Variants in AASDH observed in about 807,000 individuals in gnomAD.
AASDH encodes the protein beta-alanine-activating enzyme.
A neutral mutation model predicts 102.3 loss-of-function variants in AASDH; 81 were observed. The observed-to-expected ratio is 0.79, with a 90% CI of 0.66 to 0.95. AASDH has a LOEUF of 0.95. Ranked by LOEUF, AASDH falls within the 40% of genes least tolerant of loss-of-function variation. The pLI, the probability that AASDH is intolerant of heterozygous loss-of-function variation, is 0.00. For synonymous variants in AASDH, 398 were observed against 454.0 expected (o/e 0.88, Z 1.57); for missense variants, 1,203 against 1,266.2 (o/e 0.95, Z 0.76).
intron 9 of AASDH, 45 bp from the exon 10 acceptor site, chr4:56,351,502 A>C: frequency 8.9e-7 from 1 of 1,120,770 alleles, no homozygotes; most frequent in Non-Finnish European, 1.3e-6. Flanking sequence ...ACATTTTAAA[A>C]TTTCACTCAA....
chr4:56,385,931 T>TTC (rs201759161), intron 1 of AASDH, among the ~76,000 whole-genome samples: 8 of 114,192 alleles, frequency 7.0e-5, no homozygotes, highest in South Asian at 2.7e-4. Flanking sequence ...TTTTCTTTCT[T>TTC]TTTTTTTTTT....
intron 14 of AASDH, 139 bp from the exon 15 acceptor site, chr4:56,338,930 T>C (rs1411156202): frequency 5.7e-6 from 5 of 869,990 alleles, no homozygotes; most frequent in Non-Finnish European, 8.5e-6. Flanking sequence ...AAAATGGCTT[T>C]TTCTGAAAAG....
chr4:56,338,404 A>G lies in AASDH; in HGVS notation c.3295T>C (p.Ter1099GlnextTer29), dbSNP rs368622907. The G allele has an allele frequency of 1.2e-6, 2 of 1,612,832 alleles. No individual in the cohort carries two copies. Among genetic ancestry groups the G allele is most frequent in the Non-Finnish European group, 1.7e-6 (2 of 1,179,362 alleles). ...ATACAAATAAGGACTGTATTTGATT[A>G]TTTTTGATTGCCACCCAATAAATCC... ...CLDLLGGNQK[*>Q] The change falls in exon 15 of 15, where the codon TAA becomes CAA. Residue 1099 changes from the stop codon to glutamine, a stop_lost. Transcript: ENST00000205214.
intron 5 of AASDH, among the ~76,000 whole-genome samples, chr4:56,364,937 A>G (rs1224197934): frequency 6.6e-6 from 1 of 152,210 alleles, no homozygotes; most frequent in Non-Finnish European, 1.5e-5. Flanking sequence ...TTGGATAAAG[A>G]GTCAAGACCC....
At chr4:56,383,922 G>T in intron 2 of AASDH, 148 bp downstream of exon 2, 1 of 514,286 alleles carries the variant, frequency 1.9e-6, no homozygotes. Context: ...TAATACTGGG[G>T]AAATGCAAAC....
At chr4:56,365,577 G>A (rs910759705) in intron 5 of AASDH, among the ~76,000 whole-genome samples, 8 of 151,724 alleles carry the variant, frequency 5.3e-5, no homozygotes, top group Admixed American at 3.9e-4. Flanking sequence ...ACTCAAAACC[G>A]CTCAACTACA....
intron 1 of AASDH, among the ~76,000 whole-genome samples, 196 bp downstream of exon 1, chr4:56,387,166 T>TA (rs1191221202): frequency 6.6e-6 from 1 of 152,156 alleles, no homozygotes; most frequent in Non-Finnish European, 1.5e-5. Flanking sequence ...GGGCGGAGGC[T>TA]AGTGACGCAG....
intron 14 of AASDH, among the ~76,000 whole-genome samples, chr4:56,342,165 TAA>T (rs144000803): frequency 0.021 from 2,287 of 106,980 alleles, 64 homozygotes; most frequent in African/African-American, 0.077. Context: ...AATAAAAAAA[TAA>T]AAACAGGTTA....
At chr4:56,355,125 T>C in intron 6 of AASDH, 57 bp downstream of exon 6, 1 of 1,549,390 alleles carries the variant, frequency 6.5e-7, no homozygotes, top group Non-Finnish European at 8.7e-7. Context: ...CTGTCAGTGT[T>C]AAGATCCTAG....
At chr4:56,370,245 C>G (rs1751525727) in intron 5 of AASDH, among the ~76,000 whole-genome samples, 1 of 151,904 alleles carries the variant, frequency 6.6e-6, no homozygotes, top group Non-Finnish European at 1.5e-5. Context: ...TGCCTGTAAT[C>G]CCAGCTACTC....
chr4:56,371,668 T>G (rs1055513749), intron 4 of AASDH, 25 bp from the exon 5 acceptor site: 1 of 1,577,032 alleles, frequency 6.3e-7, no homozygotes, highest in Non-Finnish European at 8.6e-7. Flanking sequence ...AATGCAGTTA[T>G]GAGAAACGTC....
intron 2 of AASDH, among the ~76,000 whole-genome samples, chr4:56,383,678 T>C (rs1238503972): frequency 6.6e-6 from 1 of 152,206 alleles, no homozygotes; most frequent in Non-Finnish European, 1.5e-5. Flanking sequence ...TTTACTGATT[T>C]ATTGAATACC....
chr4:56,341,418 G>C (rs1052577754), intron 14 of AASDH, among the ~76,000 whole-genome samples: 1 of 50,570 alleles, frequency 2.0e-5, no homozygotes, highest in Non-Finnish European at 4.7e-5. Flanking sequence ...TTTGGAGACA[G>C]AGTCTCGCTC....
rs543013257 is a variant in AASDH, at chr4:56,338,336, T to C, written c.*66A>G. The C allele has an allele frequency of 2.4e-4, 357 of 1,508,412 alleles. 1 individual carries two copies. In the African/African-American group the frequency reaches 4.7e-3, roughly 20 times the overall value. 93.4% of individuals were successfully genotyped at this position (1,508,412 alleles called of 1,614,324 possible). A position where few individuals can be genotyped will look rare whatever the true frequency, so the allele number is the denominator to read the frequency against. Reference sequence around the variant, plus strand: ...TTCTTTAATATAAAATAAGTCCACATGATGTATAATGGTAAAATATTTTCA... The same window carrying C: ...TTCTTTAATATAAAATAAGTCCACACGATGTATAATGGTAAAATATTTTCA... On this transcript the variant is annotated 3_prime_UTR_variant, in exon 15 of 15. Transcript: ENST00000205214.
intron 5 of AASDH, among the ~76,000 whole-genome samples, chr4:56,360,346 T>C (rs991445584): frequency 1.3e-5 from 2 of 152,160 alleles, no homozygotes; most frequent in African/African-American, 2.4e-5. Context: ...TAGGGAGCTG[T>C]AGGGCTCCCT....
At chr4:56,354,356 A>T in intron 7 of AASDH, 145 bp from the exon 8 acceptor site, 3 of 641,472 alleles carry the variant, frequency 4.7e-6, no homozygotes, top group Non-Finnish European at 7.1e-6. Flanking sequence ...TTATCTGATA[A>T]AATCAGACAC....
In AASDH at chr4:56,348,105, C is replaced by T. The variant is rs951246385; in HGVS notation, c.2488+1158G>A. On this transcript the variant is annotated intron_variant, in intron 11 of 14. Transcript: ENST00000205214. ...GGTGGAGGTTGTAGTGAACCAAGATCGCGCCACTGCACTCCAGCCTGGGAA... is the reference window on the plus strand; with the variant it reads ...GGTGGAGGTTGTAGTGAACCAAGATTGCGCCACTGCACTCCAGCCTGGGAA... Among the ~76,000 whole-genome samples, 11 of 151,040 alleles carry T rather than the reference C, an allele frequency of 7.3e-5. 1 individual carries two copies. The highest frequency in any genetic ancestry group is 6.3e-4 in the South Asian group (3 of 4,778).
At position 56,378,260 on chromosome 4, in the gene AASDH, G is replaced by C. The variant is rs775932146; in HGVS notation, c.556C>G (p.Leu186Val). The change falls in exon 4 of 15, where the codon CTG becomes GTG. Residue 186 changes from leucine to valine, a missense_variant. Leu to Val is a conservative substitution (Grantham distance 32). Coordinates refer to ENST00000205214, the MANE Select transcript of AASDH (RefSeq NM_181806.4). ...TAGGCTAAGCAATGCTTTAGCCTCAGATCCATGTGTTCTTCTGCTTTTTCT... is the reference window on the plus strand; with the variant it reads ...TAGGCTAAGCAATGCTTTAGCCTCACATCCATGTGTTCTTCTGCTTTTTCT... ...NEEKAEEHMD[L>V]RLKHCLAYVL... is the part of the protein sequence containing the mutation. The C allele has an allele frequency of 6.2e-7, 1 of 1,614,076 alleles. No individual in the cohort carries two copies.
chr4:56,350,174 G>C, intron 10 of AASDH, 116 bp from the exon 11 acceptor site: 1 of 975,920 alleles, frequency 1.0e-6, no homozygotes, highest in Non-Finnish European at 1.5e-6. Flanking sequence ...AGAAATATAG[G>C]TCGGGTACAG....
Sources: gnomAD v4.1 joint callset for allele counts (sites outside exome capture counted in the v4.1 genomes callset) on GRCh38, gnomAD v4.1.1 for gene constraint, MANE v1.5 for transcripts, NCBI Gene and HGNC (gene_info 2026-07-23, HGNC 2026-07-21) for gene names.